The following GPC5 variants were observed in gnomAD, a reference collection of about 807,000 sequenced individuals.
GPC5 encodes glypican 5, also known as glypican-5.
GPC5 carries 47 observed loss-of-function variants against 53.9 expected under a neutral mutation model. The ratio of observed to expected loss-of-function variants is 0.87; its 90% CI spans 0.69 to 1.11. The LOEUF is 1.11. Ranked by LOEUF, GPC5 falls within the 50% of genes most tolerant of loss-of-function variation. The probability of loss-of-function intolerance (pLI) is 0.00; values close to 1 mark genes in which losing one functional copy is unlikely to be tolerated. For synonymous variants in GPC5, 286 were observed against 263.3 expected (o/e 1.09, Z -0.84); for missense variants, 748 against 713.1 (o/e 1.05, Z -0.56).
intron 7 of GPC5, among the ~76,000 whole-genome samples, chr13:92,475,072 T>G (rs537022808): frequency 6.6e-6 from 1 of 152,188 alleles, no homozygotes; most frequent in South Asian, 2.1e-4. Flanking sequence ...ACTCACAAAC[T>G]GTGGAGGCAA....
intron 6 of GPC5, among the ~76,000 whole-genome samples, chr13:91,961,685 T>C (rs1434236800): frequency 6.6e-6 from 1 of 152,122 alleles, no homozygotes; most frequent in Non-Finnish European, 1.5e-5. Context: ...TCATAAATTA[T>C]GTTCATGCAT....
intron 2 of GPC5, among the ~76,000 whole-genome samples, chr13:91,550,339 C>A (rs2030559376): frequency 6.6e-6 from 1 of 151,988 alleles, no homozygotes; most frequent in African/African-American, 2.4e-5. Flanking sequence ...TAAGAGTGAA[C>A]CCCAATGTAA....
rs558451837 is a variant in GPC5 at position 91,641,319 on chromosome 13, CT to C, written c.326-51867del. On this transcript the variant is annotated intron_variant, in intron 2 of 7. Transcript: ENST00000377067. ...GTCCAGCCTGGGCAAAAGAACGAGA[CT>C]CCGTCTCAAAAACAAATCAAAACAA... Among the ~76,000 whole-genome samples the C allele has an allele frequency of 7.9e-5, 12 of 152,260 alleles. No individual in the cohort carries two copies. The East Asian group carries it at 2.3e-3, about 29-fold the overall frequency.
At chr13:91,478,516 ATTG>A (rs1883069987) in intron 2 of GPC5, among the ~76,000 whole-genome samples, 1 of 151,696 alleles carries the variant, frequency 6.6e-6, no homozygotes, top group African/African-American at 2.4e-5. Flanking sequence ...TATTACATTT[ATTG>A]TTTTTACATT....
chr13:92,031,965 TAA>T (rs1343518007), intron 6 of GPC5, among the ~76,000 whole-genome samples: 1 of 125,916 alleles, frequency 7.9e-6, no homozygotes, highest in Non-Finnish European at 1.6e-5. Context: ...ATATATTATA[TAA>T]TATATATTCA....
chr13:92,371,018 A>G (rs900113473), intron 7 of GPC5, among the ~76,000 whole-genome samples: 4 of 151,934 alleles, frequency 2.6e-5, no homozygotes, highest in African/African-American at 9.7e-5. Context: ...GTGTGGTGTT[A>G]GGTGCCTGCA....
chr13:91,647,070 C>CGTGT (rs66824666), intron 2 of GPC5, among the ~76,000 whole-genome samples: 141 of 144,114 alleles, frequency 9.8e-4, no homozygotes, highest in Middle Eastern at 3.5e-3. Context: ...TATATATATG[C>CGTGT]GTGTGTGTGT....
chr13:92,323,938 G>C (rs1033600820), intron 7 of GPC5, among the ~76,000 whole-genome samples: 2 of 151,884 alleles, frequency 1.3e-5, no homozygotes, highest in African/African-American at 4.8e-5. Flanking sequence ...TTTGCATAAA[G>C]ATGAGTTGGT....
At chr13:92,174,875 G>A (rs1311257744) in intron 7 of GPC5, among the ~76,000 whole-genome samples, 1 of 152,204 alleles carries the variant, frequency 6.6e-6, no homozygotes, top group Non-Finnish European at 1.5e-5. Context: ...TTGAGACAGA[G>A]TTTCGCTCTT....
intron 7 of GPC5, among the ~76,000 whole-genome samples, chr13:92,416,696 G>A (rs991554574): frequency 2.0e-5 from 3 of 152,100 alleles, no homozygotes; most frequent in Non-Finnish European, 1.5e-5. Flanking sequence ...AAAAGCACAA[G>A]TTCCAAAATG....
At chr13:92,409,582 G>A (rs1434461020) in intron 7 of GPC5, among the ~76,000 whole-genome samples, 1 of 151,966 alleles carries the variant, frequency 6.6e-6, no homozygotes, top group Non-Finnish European at 1.5e-5. Context: ...TAAACAAGCA[G>A]AAGCTGTATA....
intron 7 of GPC5, among the ~76,000 whole-genome samples, chr13:92,198,471 T>A (rs2042272421): frequency 6.6e-6 from 1 of 152,162 alleles, no homozygotes; most frequent in African/African-American, 2.4e-5. Context: ...TCCAAATTGA[T>A]GACTTATAGT....
rs1594108772 is a variant in GPC5 at position 92,335,669 on chromosome 13, C to T, written c.1561+190680C>T. ...GCTTAGAAATTTCATCTGTCAGATA[C>T]CCTAAATCATCTCTCTCAAGTTTAA... On this transcript the variant is annotated intron_variant, in intron 7 of 7. Transcript: ENST00000377067. 2.0e-5 allele frequency among the ~76,000 whole-genome samples: 3 copies of T among 152,104 alleles called. No individual in the cohort carries two copies. The South Asian group carries it at 6.2e-4, about 32-fold the overall frequency.
chr13:92,693,993 C>G, intron 7 of GPC5, among the ~76,000 whole-genome samples: 1 of 152,182 alleles, frequency 6.6e-6, no homozygotes. Flanking sequence ...GCCCTGCAAC[C>G]CAGCAGCTCC....
At chr13:92,662,662 T>G (rs1270109562) in intron 7 of GPC5, among the ~76,000 whole-genome samples, 3 of 152,250 alleles carry the variant, frequency 2.0e-5, no homozygotes, top group African/African-American at 7.2e-5. Flanking sequence ...CTTAAAAAGG[T>G]CGTGAAGTGC....
At chr13:92,372,351 A>C (rs1031457177) in intron 7 of GPC5, among the ~76,000 whole-genome samples, 1 of 152,330 alleles carries the variant, frequency 6.6e-6, no homozygotes, top group African/African-American at 2.4e-5. Context: ...ATATTATATA[A>C]TTTTTAAAAT....
chr13:92,564,491 T>G (rs564927762), intron 7 of GPC5, among the ~76,000 whole-genome samples: 1 of 152,204 alleles, frequency 6.6e-6, no homozygotes, highest in South Asian at 2.1e-4. Flanking sequence ...TGCTTCATTT[T>G]ATTTTTTGGT....
chr13:91,649,704 G>C (rs2034649634), intron 2 of GPC5, among the ~76,000 whole-genome samples: 1 of 152,128 alleles, frequency 6.6e-6, no homozygotes, highest in African/African-American at 2.4e-5. Flanking sequence ...GTTTACCTGA[G>C]TTATAGCATC....
intron 7 of GPC5, among the ~76,000 whole-genome samples, chr13:92,461,998 C>G (rs1321440442): frequency 2.0e-5 from 3 of 152,166 alleles, no homozygotes; most frequent in Non-Finnish European, 4.4e-5. Context: ...TGATGGGCAG[C>G]TGGGATGCCA....
Sources: gnomAD v4.1 joint callset for allele counts (sites outside exome capture counted in the v4.1 genomes callset) on GRCh38, gnomAD v4.1.1 for gene constraint, MANE v1.5 for transcripts, NCBI Gene and HGNC (gene_info 2026-07-23, HGNC 2026-07-21) for gene names.